The following DPY19L4 variants were observed in gnomAD, a reference collection of about 807,000 sequenced individuals.
DPY19L4 encodes the protein probable C-mannosyltransferase DPY19L4.
A neutral mutation model predicts 102.8 loss-of-function variants in DPY19L4; 97 were observed. The ratio of observed to expected loss-of-function variants is 0.94; its 90% CI spans 0.80 to 1.12. The LOEUF (loss-of-function observed/expected upper bound fraction) is 1.12, where lower values mean the gene tolerates loss of function less well. DPY19L4 is among the 50% of genes most tolerant of loss of function. The pLI is 0.00. For missense variants in DPY19L4, 815 were observed against 850.4 expected, an observed-to-expected ratio of 0.96 and a Z score of 0.52; for synonymous variants, 252 against 283.1, an observed-to-expected ratio of 0.89 and a Z score of 1.10.
chr8:94,725,975 T>G (rs1438381504), intron 1 of DPY19L4, among the ~76,000 whole-genome samples: 1 of 152,200 alleles, frequency 6.6e-6, no homozygotes, highest in Admixed American at 6.5e-5. Flanking sequence ...CCATAAATTA[T>G]GCATTTGATA....
chr8:94,770,277 A>G (rs1812868524), intron 12 of DPY19L4, among the ~76,000 whole-genome samples, 175 bp from the exon 13 acceptor site: 2 of 152,172 alleles, frequency 1.3e-5, no homozygotes, highest in Non-Finnish European at 2.9e-5. Flanking sequence ...TTAGAGACAT[A>G]TGTTAGGTAT....
intron 7 of DPY19L4, among the ~76,000 whole-genome samples, chr8:94,759,035 T>C (rs1352028937): frequency 6.6e-6 from 1 of 152,116 alleles, no homozygotes; most frequent in African/African-American, 2.4e-5. Flanking sequence ...GGGTTCATGG[T>C]CTCGCTGACT....
chr8:94,724,831 A>T (rs927383335), intron 1 of DPY19L4, among the ~76,000 whole-genome samples: 1 of 152,258 alleles, frequency 6.6e-6, no homozygotes, highest in East Asian at 1.9e-4. Context: ...CAGGTGATCC[A>T]CCCACCTTGG....
At chr8:94,773,005 A>C (rs1310660950) in intron 13 of DPY19L4, among the ~76,000 whole-genome samples, 2 of 152,116 alleles carry the variant, frequency 1.3e-5, no homozygotes, top group Non-Finnish European at 2.9e-5. Flanking sequence ...TGAGGTCAGG[A>C]GTTTGAAACC....
chr8:94,784,383 T>C (rs1326318378), intron 17 of DPY19L4, among the ~76,000 whole-genome samples: 2 of 152,186 alleles, frequency 1.3e-5, no homozygotes, highest in African/African-American at 4.8e-5. Flanking sequence ...GCTAACGTTC[T>C]TTTTAAAATA....
chr8:94,731,897 AG>A (rs927144128), intron 2 of DPY19L4, among the ~76,000 whole-genome samples: 6 of 152,048 alleles, frequency 3.9e-5, no homozygotes, highest in Non-Finnish European at 8.8e-5. Context: ...CCTCCCGAGT[AG>A]CTGGGACTAC....
chr8:94,767,356 C>T (rs1395715897), intron 11 of DPY19L4, among the ~76,000 whole-genome samples: 1 of 149,228 alleles, frequency 6.7e-6, no homozygotes, highest in Non-Finnish European at 1.5e-5. Flanking sequence ...TGCAGTGGCA[C>T]GATCTCGGCT....
intron 16 of DPY19L4, among the ~76,000 whole-genome samples, chr8:94,783,422 C>A (rs1475700718): frequency 3.3e-5 from 5 of 152,130 alleles, no homozygotes. Context: ...TATGTGTTTA[C>A]TTCTTATTGT....
chr8:94,774,632 C>T (rs1813089753), intron 13 of DPY19L4, among the ~76,000 whole-genome samples: 1 of 148,754 alleles, frequency 6.7e-6, no homozygotes, highest in South Asian at 2.1e-4. Flanking sequence ...GGCTAGAGTG[C>T]AATGCTGTGA....
intron 6 of DPY19L4, among the ~76,000 whole-genome samples, chr8:94,740,913 CCAGGACTCCATAGTG>C (rs1811418176): frequency 6.6e-6 from 1 of 152,140 alleles, no homozygotes; most frequent in African/African-American, 2.4e-5. Context: ...AGGATTTAAT[CCAGGACTCCATAGTG>C]CATCTGGTTG....
intron 11 of DPY19L4, among the ~76,000 whole-genome samples, chr8:94,767,780 C>T (rs980858560): frequency 6.6e-6 from 1 of 151,894 alleles, no homozygotes; most frequent in Non-Finnish European, 1.5e-5. Flanking sequence ...ATGTGAACCA[C>T]TTATGTAATT....
chr8:94,767,618 T>TA (rs1812737552), intron 11 of DPY19L4, among the ~76,000 whole-genome samples: 2 of 152,158 alleles, frequency 1.3e-5, no homozygotes, highest in South Asian at 4.1e-4. Context: ...TGATCATACT[T>TA]AGAGTTGAAA....
In DPY19L4 at chr8:94,734,656, A is replaced by C. The variant is rs1811117004; in HGVS notation, c.154A>C (p.Ile52Leu). The C allele has an allele frequency of 6.2e-7, 1 of 1,613,706 alleles. No homozygotes were observed. The highest frequency in any genetic ancestry group is 8.5e-7 in the Non-Finnish European group (1 of 1,179,952). The change falls in exon 3 of 19, where the codon ATT (isoleucine) becomes CTT (leucine). Residue 52 changes from isoleucine to leucine, a missense_variant. By Grantham distance (5) the Ile-to-Leu change is conservative. Coordinates refer to ENST00000414645, the MANE Select transcript of DPY19L4 (RefSeq NM_181787.3). Reference protein sequence around the residue: ...KHVLFQRFAKIFIGCLAAVTS... With the variant: ...KHVLFQRFAKLFIGCLAAVTS... ...TGTATTATTTCAACGCTTTGCAAAGATTTTCATTGGCTGTCTTGCAGCGGT... is the reference window on the plus strand; with the variant it reads ...TGTATTATTTCAACGCTTTGCAAAGCTTTTCATTGGCTGTCTTGCAGCGGT...
chr8:94,759,165 G>C (rs1167442636), intron 7 of DPY19L4, among the ~76,000 whole-genome samples: 1 of 152,180 alleles, frequency 6.6e-6, no homozygotes, highest in East Asian at 1.9e-4. Context: ...AGCTTCCACA[G>C]CATGGAAGGG....
intron 6 of DPY19L4, among the ~76,000 whole-genome samples, chr8:94,753,241 AGAAT>A (rs2130856417): frequency 6.6e-6 from 1 of 152,298 alleles, no homozygotes; most frequent in Admixed American, 6.5e-5. Flanking sequence ...TTTTCAAAAA[AGAAT>A]AAGTATGAAG....
At chr8:94,767,250 G>C (rs1586391067) in intron 11 of DPY19L4, among the ~76,000 whole-genome samples, 1 of 151,770 alleles carries the variant, frequency 6.6e-6, no homozygotes, top group South Asian at 2.1e-4. Flanking sequence ...GTTTAGAGAT[G>C]GATGAGAAAT....
Position 94,788,035 on chromosome 8 carries a change from G to C in DPY19L4, c.1990G>C (p.Asp664His). The C allele has an allele frequency of 5.5e-6, 8 of 1,466,070 alleles. No individual in the cohort carries two copies. Among genetic ancestry groups the C allele is most frequent in the Non-Finnish European group, 7.2e-6 (8 of 1,108,978 alleles). The allele number at this position is 1,466,070 out of a possible 1,614,324, so 90.8% of individuals were successfully genotyped here. Residue 664 changes from aspartate to histidine, a missense_variant, in exon 18 of 19, where the codon GAC (aspartate) becomes CAC (histidine). Transcript: ENST00000414645. ...AGGCTGTAGGGTTAAAGATTTATTA[G>C]ACATTGCAAATGGCCACGTAAGTAA... The part of the protein sequence containing the change: ...MRGCRVKDLL[D>H]IANGHMVCEE...
At chr8:94,720,309 C>T (rs1810402741) in intron 1 of DPY19L4, 1 of 967,068 alleles carries the variant, frequency 1.0e-6, no homozygotes, top group South Asian at 4.8e-5. Context: ...GAGGGAGGGT[C>T]CTGATCAGAT....
chr8:94,778,028 C>T (rs13249787), intron 14 of DPY19L4, among the ~76,000 whole-genome samples: 16,327 of 151,916 alleles, frequency 0.11, 1,038 homozygotes, highest in Non-Finnish European at 0.15. Flanking sequence ...GCCAGGAGTT[C>T]GAGACCAGTC....
Sources: gnomAD v4.1 joint callset for allele counts (sites outside exome capture counted in the v4.1 genomes callset) on GRCh38, gnomAD v4.1.1 for gene constraint, MANE v1.5 for transcripts, NCBI Gene and HGNC (gene_info 2026-07-23, HGNC 2026-07-21) for gene names.